Variants in NOL4 observed in about 807,000 individuals in gnomAD.
The protein encoded by NOL4 is nucleolar protein 4, also known as cancer/testis antigen 125.
NOL4 carries 17 observed loss-of-function variants against 75.9 expected under a neutral mutation model. That is an observed-to-expected ratio of 0.22 (90% CI 0.15 to 0.34). The LOEUF (loss-of-function observed/expected upper bound fraction) is 0.34. Among genes scored for constraint, NOL4 ranks in the 10% least tolerant of loss-of-function variants. The probability of loss-of-function intolerance (pLI) is 1.00; values close to 1 mark genes in which losing one functional copy is unlikely to be tolerated. For missense variants in NOL4, 614 were observed against 793.5 expected (o/e 0.77, Z 2.72); for synonymous variants, 292 against 289.9 (o/e 1.01, Z -0.07).
intron 6 of NOL4, among the ~76,000 whole-genome samples, chr18:33,971,827 C>T (rs1269752848): frequency 1.3e-5 from 2 of 152,082 alleles, no homozygotes; most frequent in South Asian, 2.1e-4. Flanking sequence ...ATGAATCCTA[C>T]AAACATCAGA....
Position 33,903,902 on chromosome 18 carries a change from C to T in NOL4, c.1543-20478G>A, listed in dbSNP as rs189572732. On this transcript the variant is annotated intron_variant, in intron 9 of 10. Transcript: ENST00000261592. Reference sequence around the variant, plus strand: ...CAAAATCAACCACCCTCCCTCTATGCCCAGGGACTATTGCAGAAGAGATGG... The same window carrying T: ...CAAAATCAACCACCCTCCCTCTATGTCCAGGGACTATTGCAGAAGAGATGG... 2.9e-4 allele frequency among the ~76,000 whole-genome samples: 44 copies of T among 152,210 alleles called. No individual in the cohort carries two copies. The East Asian group carries it at 7.9e-3, about 27-fold the overall frequency.
At chr18:34,083,197 A>G (rs568667353) in intron 5 of NOL4, among the ~76,000 whole-genome samples, 4 of 152,322 alleles carry the variant, frequency 2.6e-5, no homozygotes, top group African/African-American at 9.6e-5. Context: ...CATAGAGGAA[A>G]AAGAAGGAAG....
intron 6 of NOL4, among the ~76,000 whole-genome samples, chr18:33,985,006 T>G (rs2072316903): frequency 6.6e-6 from 1 of 152,068 alleles, no homozygotes; most frequent in South Asian, 2.1e-4. Context: ...TTATTTTACC[T>G]AAGTCTGAGA....
At chr18:33,904,073 G>A (rs148104335) in intron 9 of NOL4, among the ~76,000 whole-genome samples, 82 of 152,098 alleles carry the variant, frequency 5.4e-4, no homozygotes, top group African/African-American at 1.9e-3. Context: ...TTGCTTTTTG[G>A]CTTTTGGTTT....
rs559090600 is a variant in NOL4 at position 33,933,804 on chromosome 18, TC to T, written c.1542+9260del. Among the ~76,000 whole-genome samples the T allele has an allele frequency of 3.9e-5, 6 of 152,084 alleles. No individual in the cohort carries two copies. The South Asian group carries it at 1.2e-3, about 32-fold the overall frequency. On this transcript the variant is annotated intron_variant, in intron 9 of 10. Coordinates refer to ENST00000261592, the MANE Select transcript of NOL4 (RefSeq NM_003787.5). ...AACCCCTCAAAGTCACCCACGAGGGTCGGAATCAACTTCTTCCAAACTCCTG... is the reference window on the plus strand; with the variant it reads ...AACCCCTCAAAGTCACCCACGAGGGTGGAATCAACTTCTTCCAAACTCCTG...
At chr18:34,186,290 AAAC>A (rs906676857) in intron 1 of NOL4, among the ~76,000 whole-genome samples, 34 of 152,218 alleles carry the variant, frequency 2.2e-4, no homozygotes, top group Admixed American at 4.6e-4. Flanking sequence ...ACAAACAAAC[AAAC>A]AACAACAACA....
chr18:33,852,833 T>C lies in NOL4; in HGVS notation c.*9A>G. On this transcript the variant is annotated 3_prime_UTR_variant, in exon 11 of 11. Coordinates refer to ENST00000261592, the MANE Select transcript of NOL4 (RefSeq NM_003787.5). Reference sequence around the variant, plus strand: ...ATTTAGACCTCAGTGAATATGGTGGTCGTCTGTCTCAGTTCTGTTGTAAAA... The same window carrying C: ...ATTTAGACCTCAGTGAATATGGTGGCCGTCTGTCTCAGTTCTGTTGTAAAA... The C allele has an allele frequency of 6.2e-7, 1 of 1,606,328 alleles. No individual in the cohort carries two copies. Among genetic ancestry groups the C allele is most frequent in the South Asian group, 1.1e-5 (1 of 90,034 alleles).
At chr18:34,222,956 G>A (rs1462822620) in intron 1 of NOL4, 34 bp downstream of exon 1, 1 of 1,595,930 alleles carries the variant, frequency 6.3e-7, no homozygotes, top group Non-Finnish European at 8.5e-7. Context: ...GGCTGCTCCG[G>A]CAGACAAATA....
chr18:34,202,322 A>G (rs1054805092), intron 1 of NOL4, among the ~76,000 whole-genome samples: 3 of 151,958 alleles, frequency 2.0e-5, no homozygotes, highest in African/African-American at 7.2e-5. Context: ...CATTAGACTG[A>G]AATTGTTAAG....
intron 10 of NOL4, among the ~76,000 whole-genome samples, chr18:33,860,802 C>T (rs1204335163): frequency 1.7e-4 from 26 of 151,982 alleles, no homozygotes; most frequent in South Asian, 4.2e-4. Flanking sequence ...TTTTGAGATA[C>T]GTCCCATCAA....
intron 6 of NOL4, among the ~76,000 whole-genome samples, chr18:34,000,150 G>A (rs2073594036): frequency 6.6e-6 from 1 of 152,132 alleles, no homozygotes; most frequent in African/African-American, 2.4e-5. Context: ...ATAACAAATA[G>A]TCTTGTAGAC....
chr18:33,874,351 T>C (rs2063834534), intron 10 of NOL4, among the ~76,000 whole-genome samples: 1 of 151,986 alleles, frequency 6.6e-6, no homozygotes, highest in Admixed American at 6.6e-5. Flanking sequence ...GATATTTCTC[T>C]AAAATGTTTG....
chr18:34,109,773 G>A (rs1018012983), intron 2 of NOL4, among the ~76,000 whole-genome samples: 1 of 151,524 alleles, frequency 6.6e-6, no homozygotes, highest in African/African-American at 2.4e-5. Context: ...ACTTTACCTA[G>A]ACCAAGAAAC....
At chr18:34,057,122 T>C (rs545619367) in intron 5 of NOL4, among the ~76,000 whole-genome samples, 5 of 152,274 alleles carry the variant, frequency 3.3e-5, no homozygotes, top group East Asian at 1.9e-4. Flanking sequence ...GCAATTCTAA[T>C]ATTAATCATC....
At chr18:34,065,656 A>G (rs1264740968) in intron 5 of NOL4, among the ~76,000 whole-genome samples, 1 of 151,994 alleles carries the variant, frequency 6.6e-6, no homozygotes, top group African/African-American at 2.4e-5. Flanking sequence ...CAAAATGCAC[A>G]GAAATTGTAG....
At chr18:34,028,888 T>A (rs1568241245) in intron 5 of NOL4, among the ~76,000 whole-genome samples, 1 of 152,206 alleles carries the variant, frequency 6.6e-6, no homozygotes, top group Non-Finnish European at 1.5e-5. Context: ...CAAAACTATT[T>A]CAATATTCCA....
At chr18:33,968,097 T>A (rs576645876) in intron 6 of NOL4, among the ~76,000 whole-genome samples, 2 of 151,250 alleles carry the variant, frequency 1.3e-5, no homozygotes, top group South Asian at 4.2e-4. Flanking sequence ...AATAAATAAA[T>A]AAATAAATAA....
At chr18:34,211,219 T>C (rs745423095) in intron 1 of NOL4, among the ~76,000 whole-genome samples, 4 of 152,214 alleles carry the variant, frequency 2.6e-5, no homozygotes, top group Non-Finnish European at 5.9e-5. Context: ...TAATTATGAA[T>C]TACATATTCT....
chr18:33,867,737 A>G (rs1200133258), intron 10 of NOL4, among the ~76,000 whole-genome samples: 3 of 151,850 alleles, frequency 2.0e-5, no homozygotes, highest in African/African-American at 7.3e-5. Flanking sequence ...AAGTCCCAAG[A>G]TCTGTAGTCA....
Sources: allele counts gnomAD v4.1 joint callset (sites outside exome capture counted in the v4.1 genomes callset), GRCh38; gene constraint gnomAD v4.1.1; transcripts MANE v1.5; gene names NCBI Gene and HGNC (gene_info 2026-07-23, HGNC 2026-07-21).